The following SP4 variants were observed in gnomAD, a reference collection of about 807,000 sequenced individuals.
The protein encoded by SP4 is transcription factor Sp4.
In SP4, 19 loss-of-function variants were observed where a neutral mutation model predicts 72.8. The observed-to-expected ratio is 0.26, with a 90% CI of 0.18 to 0.38. The LOEUF is 0.38. Ranked by LOEUF, SP4 falls within the 10% of genes least tolerant of loss-of-function variation. The probability of loss-of-function intolerance (pLI) is 1.00; values close to 1 mark genes in which losing one functional copy is unlikely to be tolerated. For missense variants in SP4, 1,008 were observed against 926.3 expected (o/e 1.09, Z -1.14); for synonymous variants, 395 against 333.1 (o/e 1.19, Z -2.02).
chr7:21,442,919 A>G (rs1435710634), intron 3 of SP4, among the ~76,000 whole-genome samples: 1 of 152,108 alleles, frequency 6.6e-6, no homozygotes, highest in Non-Finnish European at 1.5e-5. Context: ...TATTTTTAGT[A>G]GAGATGGGGT....
At chr7:21,429,223 G>A in intron 2 of SP4, 66 bp from the exon 3 acceptor site, 3 of 842,164 alleles carry the variant, frequency 3.6e-6, no homozygotes, top group East Asian at 2.5e-5. Context: ...GGCAACTACT[G>A]GCCTCCACTA....
chr7:21,453,109 A>G (rs556746018), intron 3 of SP4, among the ~76,000 whole-genome samples: 75 of 152,338 alleles, frequency 4.9e-4, no homozygotes, highest in African/African-American at 1.7e-3. Flanking sequence ...AAATAGCTCA[A>G]AAGTTTTCTT....
At chr7:21,463,790 T>A (rs1054225422) in intron 3 of SP4, among the ~76,000 whole-genome samples, 23 of 152,182 alleles carry the variant, frequency 1.5e-4, no homozygotes, top group African/African-American at 5.6e-4. Context: ...CTCTCCGGGG[T>A]TCCCCTATTT....
rs767480204 is a variant in SP4, at chr7:21,428,703, G to A, written c.34G>A (p.Ala12Thr). 9 of 1,552,482 alleles carry A rather than the reference G, an allele frequency of 5.8e-6. No homozygotes were observed. In the Admixed American group the frequency reaches 7.8e-5, roughly 13 times the overall value. Residue 12 changes from alanine to threonine, a missense_variant, in exon 2 of 6, where the codon GCG (alanine) becomes ACG (threonine). Ala to Thr is a moderately conservative substitution (Grantham distance 58). Coordinates refer to ENST00000222584, the MANE Select transcript of SP4 (RefSeq NM_003112.5). ...SDQKKEEEEE[A>T]AAAAAMATEG... ...TCAGAAGAAGGAGGAGGAGGAGGAG[G>A]CGGCAGCGGCAGCGGCGATGGCTAC...
chr7:21,476,409 T>C (rs1251434405), intron 3 of SP4, among the ~76,000 whole-genome samples: 1 of 152,122 alleles, frequency 6.6e-6, no homozygotes, highest in Non-Finnish European at 1.5e-5. Context: ...CTGGTATATA[T>C]ACTAATCTGA....
At chr7:21,483,298 T>C (rs1784736691) in intron 5 of SP4, among the ~76,000 whole-genome samples, 1 of 151,976 alleles carries the variant, frequency 6.6e-6, no homozygotes, top group Non-Finnish European at 1.5e-5. Flanking sequence ...TTATATGTTA[T>C]ACTTTTCCCT....
At chr7:21,460,999 A>G (rs1048515814) in intron 3 of SP4, among the ~76,000 whole-genome samples, 6 of 152,180 alleles carry the variant, frequency 3.9e-5, no homozygotes, top group African/African-American at 1.4e-4. Flanking sequence ...ACCTTGAGCT[A>G]GACACAGAGT....
intron 3 of SP4, among the ~76,000 whole-genome samples, chr7:21,462,089 G>A (rs1038504174): frequency 9.6e-5 from 14 of 146,448 alleles, no homozygotes; most frequent in Non-Finnish European, 1.8e-4. Context: ...GCAGTGGTGT[G>A]ATCTTGGCTT....
chr7:21,507,184 C>T (rs1782020966), intron 5 of SP4, among the ~76,000 whole-genome samples: 1 of 152,176 alleles, frequency 6.6e-6, no homozygotes, highest in Non-Finnish European at 1.5e-5. Context: ...GGAGTGGTTT[C>T]ATTTTTTTCC....
intron 3 of SP4, among the ~76,000 whole-genome samples, chr7:21,456,265 G>GTGAA (rs2128400287): frequency 6.6e-6 from 1 of 152,326 alleles, no homozygotes; most frequent in Non-Finnish European, 1.5e-5. Flanking sequence ...GGGCCTCAGA[G>GTGAA]TGAAGCCCTA....
At chr7:21,497,423 T>C (rs1781740973) in intron 5 of SP4, among the ~76,000 whole-genome samples, 1 of 152,268 alleles carries the variant, frequency 6.6e-6, no homozygotes, top group African/African-American at 2.4e-5. Flanking sequence ...GCCATTTTTC[T>C]TGAATAAACA....
At chr7:21,433,367 A>G (rs1312989610) in intron 3 of SP4, among the ~76,000 whole-genome samples, 2 of 152,206 alleles carry the variant, frequency 1.3e-5, no homozygotes, top group Non-Finnish European at 2.9e-5. Flanking sequence ...TGTTCTAATA[A>G]ATATGCTCAA....
intron 5 of SP4, among the ~76,000 whole-genome samples, chr7:21,505,801 G>A (rs886244580): frequency 2.0e-5 from 3 of 152,166 alleles, no homozygotes; most frequent in Non-Finnish European, 4.4e-5. Context: ...AACATGCAGG[G>A]TTTTAATTGT....
intron 5 of SP4, among the ~76,000 whole-genome samples, chr7:21,492,753 G>A (rs1289549924): frequency 1.3e-5 from 2 of 152,124 alleles, no homozygotes. Flanking sequence ...TTTTTAAAAA[G>A]GATCCAGCTG....
rs148967326 is a variant in SP4 at position 21,507,455 on chromosome 7, T to C, written c.2108-3567T>C. ...TGCCCCTTGATTTTCCTGTCCCCTATTTTGTGAGATGTATGGAGGGGCATG... is the reference window on the plus strand; with the variant it reads ...TGCCCCTTGATTTTCCTGTCCCCTACTTTGTGAGATGTATGGAGGGGCATG... On this transcript the variant is annotated intron_variant, in intron 5 of 5. Transcript: ENST00000222584. Among the ~76,000 whole-genome samples, 172 of 152,296 alleles carry C rather than the reference T, an allele frequency of 1.1e-3. 2 individuals are homozygous for C. The highest frequency in any genetic ancestry group is 3.9e-3 in the African/African-American group (163 of 41,556).
At chr7:21,498,075 G>A (rs1035581689) in intron 5 of SP4, among the ~76,000 whole-genome samples, 1 of 150,746 alleles carries the variant, frequency 6.6e-6, no homozygotes, top group Non-Finnish European at 1.5e-5. Flanking sequence ...ATTAAAGCAT[G>A]ACTTCTCTCA....
At chr7:21,465,711 A>C (rs1367903016) in intron 3 of SP4, among the ~76,000 whole-genome samples, 1 of 152,120 alleles carries the variant, frequency 6.6e-6, no homozygotes, top group African/African-American at 2.4e-5. Context: ...TGTCACAATA[A>C]AAAATTTAGC....
In SP4 at chr7:21,482,754, G is replaced by T. The variant is rs551197718; in HGVS notation, c.2107+631G>T. On this transcript the variant is annotated intron_variant, in intron 5 of 5. Coordinates refer to ENST00000222584, the MANE Select transcript of SP4 (RefSeq NM_003112.5). The stretch of plus-strand genomic sequence containing the variant: ...AATGGATCTACATAAAAAATGTTTT[G>T]TGTGTGTTATGAAATGTTACAATGT... 10 of 978,582 alleles carry T rather than the reference G, an allele frequency of 1.0e-5. No individual in the cohort carries two copies. The South Asian group carries it at 3.3e-4, about 32-fold the overall frequency. 60.6% of individuals were successfully genotyped at this position (978,582 alleles called of 1,614,324 possible).
chr7:21,484,915 T>C (rs1206497056), intron 5 of SP4, among the ~76,000 whole-genome samples: 1 of 151,840 alleles, frequency 6.6e-6, no homozygotes, highest in African/African-American at 2.4e-5. Flanking sequence ...GGGCATATCT[T>C]TAAAAAAAAG....
Sources: allele counts gnomAD v4.1 joint callset (sites outside exome capture counted in the v4.1 genomes callset), GRCh38; gene constraint gnomAD v4.1.1; transcripts MANE v1.5; gene names NCBI Gene and HGNC (gene_info 2026-07-23, HGNC 2026-07-21).